The following RNF216 variants were observed in gnomAD, a reference collection of about 807,000 sequenced individuals.
The protein encoded by RNF216 is ring finger protein 216, also known as E3 ubiquitin-protein ligase RNF216.
A neutral mutation model predicts 110.8 loss-of-function variants in RNF216; 72 were observed. The ratio of observed to expected loss-of-function variants is 0.65; its 90% CI spans 0.54 to 0.79. RNF216 has a LOEUF of 0.79. Ranked by LOEUF, RNF216 falls within the 30% of genes least tolerant of loss-of-function variation. RNF216 has a pLI of 0.00. For missense variants in RNF216, 1,342 were observed against 1,141.2 expected, an observed-to-expected ratio of 1.18 and a Z score of -2.54; for synonymous variants, 495 against 407.5, an observed-to-expected ratio of 1.21 and a Z score of -2.59.
intron 15 of RNF216, among the ~76,000 whole-genome samples, chr7:5,640,909 C>A (rs1787694864): frequency 6.6e-6 from 1 of 152,148 alleles, no homozygotes; most frequent in Non-Finnish European, 1.5e-5. Context: ...TCAGAGGGCA[C>A]AGAGTTTTAT....
chr7:5,713,068 G>T (rs755067487), intron 11 of RNF216, among the ~76,000 whole-genome samples: 4 of 152,126 alleles, frequency 2.6e-5, no homozygotes, highest in Non-Finnish European at 5.9e-5. Flanking sequence ...ACCTCTATTA[G>T]CCCAAATCAC....
At chr7:5,674,481 G>A (rs1167707185) in intron 13 of RNF216, among the ~76,000 whole-genome samples, 1 of 148,008 alleles carries the variant, frequency 6.8e-6, no homozygotes. Flanking sequence ...AAAAAAAAAA[G>A]GCCAGGTGTG....
At chr7:5,760,020 A>C (rs1024643032) in intron 2 of RNF216, among the ~76,000 whole-genome samples, 6 of 152,154 alleles carry the variant, frequency 3.9e-5, no homozygotes, top group African/African-American at 1.2e-4. Flanking sequence ...AATGGGAGAA[A>C]ACCAGTATAA....
At chr7:5,662,409 G>C (rs1216617584) in intron 13 of RNF216, 1 of 152,214 alleles carries the variant, frequency 6.6e-6, no homozygotes, top group South Asian at 2.1e-4. Context: ...GCCCCTGGAC[G>C]CTTACTTGTA....
At chr7:5,769,435 CAA>C (rs1796377900) in intron 1 of RNF216, among the ~76,000 whole-genome samples, 1 of 147,528 alleles carries the variant, frequency 6.8e-6, no homozygotes, top group Non-Finnish European at 1.5e-5. Flanking sequence ...TTATTTTAAA[CAA>C]AGAGGCTGGG....
intron 13 of RNF216, among the ~76,000 whole-genome samples, chr7:5,672,138 T>C (rs974734943): frequency 5.9e-5 from 9 of 152,218 alleles, no homozygotes; most frequent in Non-Finnish European, 4.4e-5. Context: ...ATCTTCTTCA[T>C]ACATGTTGGA....
chr7:5,763,719 A>T (rs1392102376), intron 1 of RNF216, among the ~76,000 whole-genome samples: 8 of 152,010 alleles, frequency 5.3e-5, no homozygotes, highest in Admixed American at 5.2e-4. Flanking sequence ...ACAGGCATGC[A>T]CCACCATGCC....
intron 1 of RNF216, among the ~76,000 whole-genome samples, chr7:5,769,854 T>C (rs1796400528): frequency 1.3e-5 from 2 of 148,432 alleles, no homozygotes; most frequent in South Asian, 2.1e-4. Flanking sequence ...CTGGCCAACA[T>C]GGTGAAAACC....
At position 5,654,854 on chromosome 7, in the gene RNF216, G is replaced by C. The variant is rs941158828; in HGVS notation, c.2062-2344C>G. ...CAGTAAACAAAGGTGATATATATTA[G>C]GGTGCCTAACTATTACCCACCGAAA... On this transcript the variant is annotated intron_variant, in intron 13 of 16. Coordinates refer to ENST00000389902, the MANE Select transcript of RNF216 (RefSeq NM_207111.4). Among the ~76,000 whole-genome samples, 3 of 151,938 alleles carry C rather than the reference G, an allele frequency of 2.0e-5. No homozygotes were observed. In the East Asian group the frequency reaches 5.8e-4, roughly 29 times the overall value.
At chr7:5,678,808 C>T (rs1046394958) in intron 13 of RNF216, among the ~76,000 whole-genome samples, 1 of 152,212 alleles carries the variant, frequency 6.6e-6, no homozygotes, top group Non-Finnish European at 1.5e-5. Context: ...TTCTCGACTC[C>T]ACTTCATCAG....
intron 13 of RNF216, among the ~76,000 whole-genome samples, chr7:5,677,268 C>A (rs1790362063): frequency 6.6e-6 from 1 of 152,200 alleles, no homozygotes; most frequent in African/African-American, 2.4e-5. Context: ...CTGCTGTTGT[C>A]TTTTGCTTCT....
chr7:5,776,397 C>A (rs1796775681), intron 1 of RNF216, among the ~76,000 whole-genome samples: 1 of 149,638 alleles, frequency 6.7e-6, no homozygotes, highest in African/African-American at 2.5e-5. Flanking sequence ...TCCTGGCTAA[C>A]ACGGTGAAAC....
intron 2 of RNF216, among the ~76,000 whole-genome samples, chr7:5,759,338 T>C (rs937906761): frequency 6.6e-6 from 1 of 152,106 alleles, no homozygotes; most frequent in African/African-American, 2.4e-5. Context: ...AACGAACTAA[T>C]ACAATGACCA....
chr7:5,652,555 C>T, intron 13 of RNF216, 45 bp from the exon 14 acceptor site: 2 of 1,300,300 alleles, frequency 1.5e-6, no homozygotes, highest in South Asian at 1.2e-5. Context: ...GGTGAGTGGA[C>T]ACCACAGAAG....
At chr7:5,649,201 G>A (rs1048836500) in intron 14 of RNF216, among the ~76,000 whole-genome samples, 3 of 151,992 alleles carry the variant, frequency 2.0e-5, no homozygotes, top group Admixed American at 6.6e-5. Context: ...GGCCAACCAC[G>A]GCCGACAAAG....
intron 14 of RNF216, 88 bp downstream of exon 14, chr7:5,652,324 TC>T: frequency 1.1e-6 from 1 of 940,096 alleles, no homozygotes; most frequent in Non-Finnish European, 1.7e-6. Context: ...AGCGTGTTCT[TC>T]CGACAACAGT....
At chr7:5,679,274 C>G (rs971664149) in intron 13 of RNF216, among the ~76,000 whole-genome samples, 2 of 152,192 alleles carry the variant, frequency 1.3e-5, no homozygotes, top group Non-Finnish European at 2.9e-5. Context: ...CCATGCTGCT[C>G]CAGCCAGCCC....
At chr7:5,666,279 T>C (rs1789517860) in intron 13 of RNF216, among the ~76,000 whole-genome samples, 1 of 151,746 alleles carries the variant, frequency 6.6e-6, no homozygotes, top group South Asian at 2.1e-4. Context: ...AAGACATGAT[T>C]GTAAGTGCTG....
intron 13 of RNF216, among the ~76,000 whole-genome samples, chr7:5,687,394 C>CAAA (rs372177142): frequency 0.078 from 3,884 of 49,732 alleles, 241 homozygotes; most frequent in African/African-American, 0.17. Context: ...AACTCCACCT[C>CAAA]AAAAAAAAAA....
Sources: gnomAD v4.1 joint callset for allele counts (sites outside exome capture counted in the v4.1 genomes callset) on GRCh38, gnomAD v4.1.1 for gene constraint, MANE v1.5 for transcripts, NCBI Gene and HGNC (gene_info 2026-07-23, HGNC 2026-07-21) for gene names.